Variants in LCT observed in about 807,000 individuals in gnomAD.
LCT encodes the protein lactase/phlorizin hydrolase.
LCT carries 90 observed loss-of-function variants against 173.0 expected under a neutral mutation model. The observed-to-expected ratio is 0.52, with a 90% CI of 0.44 to 0.62. The LOEUF (loss-of-function observed/expected upper bound fraction) is 0.62, where lower values mean the gene tolerates loss of function less well. Among genes scored for constraint, LCT ranks in the 20% least tolerant of loss-of-function variants. LCT has a pLI of 0.00. For missense variants in LCT, 1,864 were observed against 2,431.4 expected (o/e 0.77, Z 4.91); for synonymous variants, 853 against 957.6 (o/e 0.89, Z 2.02).
At position 135,794,790 on chromosome 2, in the gene LCT, CCAT is replaced by C. The variant is rs781627798; in HGVS notation, c.4977-18_4977-16del. On this transcript the variant is annotated splice_polypyrimidine_tract_variant and intron_variant, in intron 13 of 16. Transcript: ENST00000264162. Reference sequence around the variant, plus strand: ...ATTCTGGCAGCCTGGGTGGAAGAAGCCATTGAGGGCAGGGCTTCAGGGAGAGCC... The same window carrying C: ...ATTCTGGCAGCCTGGGTGGAAGAAGCTGAGGGCAGGGCTTCAGGGAGAGCC... 256 of 1,614,148 alleles carry C rather than the reference CCAT, an allele frequency of 1.6e-4. No homozygotes were observed. The highest frequency in any genetic ancestry group is 1.2e-3 in the Middle Eastern group (7 of 6,028).
At chr2:135,807,511 C>A (rs1454102960) in intron 8 of LCT, 115 bp from the exon 9 acceptor site, 2 of 966,634 alleles carry the variant, frequency 2.1e-6, no homozygotes, top group East Asian at 4.8e-5. Context: ...AAGTGACATA[C>A]ACCCTGAGAG....
At chr2:135,831,953 A>C (rs1392920547) in intron 2 of LCT, among the ~76,000 whole-genome samples, 2 of 152,206 alleles carry the variant, frequency 1.3e-5, no homozygotes, top group Non-Finnish European at 2.9e-5. Flanking sequence ...GTGGTGGCTC[A>C]AGCCTGTAAT....
rs386833833 is a variant in LCT at position 135,807,214 on chromosome 2, C to T, written c.4087G>A (p.Gly1363Ser). Residue 1363 changes from glycine (G) to serine (S), a missense_variant, in exon 9 of 17, where the codon GGC (glycine) becomes AGC (serine). Gly to Ser is a moderately conservative substitution (Grantham distance 56). Coordinates refer to ENST00000264162, the MANE Select transcript of LCT (RefSeq NM_002299.4). ...RYYTEVITNNGMPLAREDEFL... is the reference protein window; with the variant it reads ...RYYTEVITNNSMPLAREDEFL... ...TCATCCTCCCTGGCCAGTGGCATGC[C>T]GTTGTTGGTAATGACCTCTGTGTAG... is the stretch of plus-strand genomic sequence containing the variant. 3 of 1,614,074 alleles carry T rather than the reference C, an allele frequency of 1.9e-6. No homozygotes were observed. Among genetic ancestry groups the T allele is most frequent in the Non-Finnish European group, 1.7e-6 (2 of 1,180,026 alleles).
chr2:135,835,167 G>A (rs930879159), intron 1 of LCT, among the ~76,000 whole-genome samples: 2 of 151,848 alleles, frequency 1.3e-5, no homozygotes, highest in Non-Finnish European at 1.5e-5. Flanking sequence ...ACAAAAATAA[G>A]GAAAATACCT....
intron 11 of LCT, among the ~76,000 whole-genome samples, chr2:135,801,808 A>G (rs1457186777): frequency 6.6e-6 from 1 of 151,870 alleles, no homozygotes; most frequent in Admixed American, 6.6e-5. Flanking sequence ...TCCTGACCTC[A>G]GGTGATCCAC....
intron 11 of LCT, among the ~76,000 whole-genome samples, chr2:135,802,081 T>C (rs1481332772): frequency 6.6e-6 from 1 of 151,974 alleles, no homozygotes; most frequent in East Asian, 1.9e-4. Context: ...ACCCTGATAG[T>C]GAATGCTGCA....
chr2:135,836,158 A>G lies in LCT; in HGVS notation c.640+372T>C, dbSNP rs1406068062. On this transcript the variant is annotated intron_variant, in intron 1 of 16. Coordinates refer to ENST00000264162, the MANE Select transcript of LCT (RefSeq NM_002299.4). ...CTAAGCCTCCCGAGTAGCTGGGATC[A>G]CAGGCGCCTGCTACCATCCCTGGCT... Among the ~76,000 whole-genome samples, 13 of 151,670 alleles carry G rather than the reference A, an allele frequency of 8.6e-5. No individual in the cohort carries two copies. The East Asian group carries it at 1.9e-3, about 23-fold the overall frequency.
Position 135,808,989 on chromosome 2 carries a change from T to C in LCT, c.3358A>G (p.Ile1120Val). ...EKYRQEQKGV[I>V]SLSLSTHWAE... Reference sequence around the variant, plus strand: ...CAGTGTGTACTGAGGCTCAGCGAGATGACCCCCTTCTGCTCCTGCCTGTAT... The same window carrying C: ...CAGTGTGTACTGAGGCTCAGCGAGACGACCCCCTTCTGCTCCTGCCTGTAT... The change falls in exon 8 of 17, where the codon ATC (isoleucine) becomes GTC (valine). Residue 1120 changes from isoleucine to valine, a missense_variant. Physicochemically the swap from Ile to Val is conservative, Grantham distance 29 (BLOSUM62 3). Transcript: ENST00000264162. The C allele has an allele frequency of 6.2e-7, 1 of 1,611,612 alleles. No homozygotes were observed. The highest frequency in any genetic ancestry group is 8.5e-7 in the Non-Finnish European group (1 of 1,178,176).
In LCT at chr2:135,808,718, T is replaced by A; in HGVS notation, c.3629A>T (p.Tyr1210Phe). The A allele has an allele frequency of 6.2e-7, 1 of 1,613,844 alleles. No homozygotes were observed. The highest frequency in any genetic ancestry group is 8.5e-7 in the Non-Finnish European group (1 of 1,179,962). The part of the protein sequence containing the change: ...TADVFCLNTY[Y>F]SRIVQHKTPR... ...TGTTTTGTGCTGCACGATTCTGGAG[T>A]AGTACGTGTTGAGGCAGAAGACGTC... Residue 1210 changes from tyrosine to phenylalanine, a missense_variant, in exon 8 of 17, where the codon TAC becomes TTC. Around this residue, in one of 4 missense-constraint regions of LCT, gnomAD observed 755 missense variants for 926.3 expected, o/e 0.82. Transcript: ENST00000264162.
chr2:135,796,076 G>C (rs1342997367), intron 13 of LCT, among the ~76,000 whole-genome samples: 1 of 152,138 alleles, frequency 6.6e-6, no homozygotes, highest in Non-Finnish European at 1.5e-5. Flanking sequence ...CCTGTAGATG[G>C]AGCATTTTCC....
chr2:135,806,556 C>T (rs1308713757), intron 9 of LCT, among the ~76,000 whole-genome samples: 1 of 150,396 alleles, frequency 6.6e-6, no homozygotes, highest in Non-Finnish European at 1.5e-5. Context: ...ATGGTGAGTA[C>T]CCTGTCCAGC....
chr2:135,809,610 A>G lies in LCT; in HGVS notation c.2737T>C (p.Ser913Pro), dbSNP rs1161195522. ...FRDDFLWGVS[S>P]SAYQIEGAWD... is the part of the protein sequence containing the mutation. ...GCGCCTTCAATCTGATAAGCGGAAG[A>G]GGACACGCCCCACAGAAAGTCATCC... The change falls in exon 8 of 17, where the codon TCT (serine) becomes CCT (proline). Residue 913 changes from serine to proline, a missense_variant. Physicochemically the swap from Ser to Pro is moderately conservative, Grantham distance 74 (BLOSUM62 -1). This residue lies in a region of LCT where 755 missense variants were observed against 926.3 expected (regional missense o/e 0.82). Transcript: ENST00000264162. This position sits in a 1 kb window ranked among gnomAD's most constrained non-coding sequence, Gnocchi z 5.5. 1.2e-6 allele frequency: 2 copies of G among 1,614,240 alleles called. No individual in the cohort carries two copies. The highest frequency in any genetic ancestry group is 1.7e-6 in the Non-Finnish European group (2 of 1,180,042).
At chr2:135,816,401 C>G (rs1326596527) in intron 6 of LCT, among the ~76,000 whole-genome samples, 1 of 152,136 alleles carries the variant, frequency 6.6e-6, no homozygotes, top group Admixed American at 6.6e-5. Flanking sequence ...AGGGACACTT[C>G]TGTTGGGAAG....
In LCT at chr2:135,808,985, G is replaced by A. The variant is rs1268587670; in HGVS notation, c.3362C>T (p.Ser1121Leu). 20 of 1,611,530 alleles carry A rather than the reference G, an allele frequency of 1.2e-5. No individual in the cohort carries two copies. The highest frequency in any genetic ancestry group is 1.5e-5 in the Non-Finnish European group (18 of 1,178,244). The change falls in exon 8 of 17, where the codon TCG becomes TTG. Residue 1121 changes from serine to leucine, a missense_variant. Ser to Leu is a moderately radical substitution (Grantham distance 145). Coordinates refer to ENST00000264162, the MANE Select transcript of LCT (RefSeq NM_002299.4). ...KYRQEQKGVI[S>L]LSLSTHWAEP... is the part of the protein sequence containing the mutation. ...TGCCCAGTGTGTACTGAGGCTCAGC[G>A]AGATGACCCCCTTCTGCTCCTGCCT...
At chr2:135,827,962 C>T (rs537529981) in intron 3 of LCT, among the ~76,000 whole-genome samples, 22 of 152,220 alleles carry the variant, frequency 1.4e-4, no homozygotes, top group Non-Finnish European at 2.5e-4. Flanking sequence ...AGCACTCTGC[C>T]TCAGGTAAAA....
chr2:135,813,192 G>C (rs1172946206), intron 6 of LCT, among the ~76,000 whole-genome samples: 1 of 152,056 alleles, frequency 6.6e-6, no homozygotes, highest in Non-Finnish European at 1.5e-5. Flanking sequence ...AAGTTAACAA[G>C]TTAACAACAT....
intron 7 of LCT, among the ~76,000 whole-genome samples, chr2:135,810,836 C>T (rs2077728779): frequency 1.3e-5 from 2 of 151,336 alleles, no homozygotes; most frequent in South Asian, 4.2e-4. Flanking sequence ...ATCATCCTGG[C>T]TAACATGGTG....
intron 13 of LCT, among the ~76,000 whole-genome samples, chr2:135,795,723 T>C (rs1310956934): frequency 6.6e-6 from 1 of 151,890 alleles, no homozygotes; most frequent in Non-Finnish European, 1.5e-5. Context: ...ACGATTTCAC[T>C]GAACTTTGTT....
intron 16 of LCT, among the ~76,000 whole-genome samples, chr2:135,788,822 T>C (rs1404714760): frequency 6.6e-6 from 1 of 152,216 alleles, no homozygotes; most frequent in Non-Finnish European, 1.5e-5. Context: ...AGATTTGGGA[T>C]TTTTTAAGAT....
Sources: gnomAD v4.1 joint callset for allele counts (sites outside exome capture counted in the v4.1 genomes callset) on GRCh38, gnomAD v4.1.1 for gene constraint, gnomAD v4.1.1 regional missense constraint, Gnocchi (gnomAD v3.1) non-coding constraint, MANE v1.5 for transcripts, NCBI Gene and HGNC (gene_info 2026-07-23, HGNC 2026-07-21) for gene names.